The following ERH variants were observed in gnomAD, a reference collection of about 807,000 sequenced individuals.
ERH encodes ERH mRNA splicing and mitosis factor.
In ERH, 1 loss-of-function variant was observed where a neutral mutation model predicts 16.8. The observed-to-expected ratio is 0.06, with a 90% CI of 0.02 to 0.28. The LOEUF is 0.28. Ranked by LOEUF, ERH falls within the 10% of genes least tolerant of loss-of-function variation. The pLI is 1.00. For missense variants in ERH, 42 were observed against 127.5 expected (o/e 0.33, Z 3.23); for synonymous variants, 43 against 43.6 (o/e 0.99, Z 0.05).
intron 2 of ERH, among the ~76,000 whole-genome samples, chr14:69,390,206 A>C (rs2045916151): frequency 6.6e-6 from 1 of 151,116 alleles, no homozygotes; most frequent in Non-Finnish European, 1.5e-5. Context: ...AGAAACCAAC[A>C]AGCTAATCCT....
intron 2 of ERH, among the ~76,000 whole-genome samples, chr14:69,393,518 C>T (rs1882265409): frequency 6.6e-6 from 1 of 152,160 alleles, no homozygotes; most frequent in African/African-American, 2.4e-5. Context: ...TTTGCAGCAA[C>T]ATGGATGGAA....
At chr14:69,392,222 AG>A (rs1882235049) in intron 2 of ERH, among the ~76,000 whole-genome samples, 2 of 151,138 alleles carry the variant, frequency 1.3e-5, no homozygotes, top group African/African-American at 2.4e-5. Context: ...AAAAAAAAAA[AG>A]AATAATAAAA....
At chr14:69,386,441 A>T (rs1249193286) in intron 3 of ERH, among the ~76,000 whole-genome samples, 1 of 152,244 alleles carries the variant, frequency 6.6e-6, no homozygotes, top group African/African-American at 2.4e-5. Context: ...AGGTAAGTCT[A>T]CAGTAACACT....
In ERH at chr14:69,398,249, T is replaced by C; in HGVS notation, c.-16A>G. On this transcript the variant is annotated 5_prime_UTR_variant, in exon 1 of 4. Coordinates refer to ENST00000557016, the MANE Select transcript of ERH (RefSeq NM_004450.3). ...TTCTCACCATCGCGCCAAACTCTCT[T>C]CGCTACAGCAGCTGCCGACACCGCC... The C allele has an allele frequency of 6.2e-7, 1 of 1,613,838 alleles. No homozygotes were observed. Among genetic ancestry groups the C allele is most frequent in the Non-Finnish European group, 8.5e-7 (1 of 1,179,936 alleles).
chr14:69,382,935 C>G (rs1376945365), intron 3 of ERH, among the ~76,000 whole-genome samples: 1 of 152,050 alleles, frequency 6.6e-6, no homozygotes, highest in East Asian at 1.9e-4. Context: ...AATCTTTTAA[C>G]CTATTGTTAT....
chr14:69,387,815 C>G (rs1475702871), intron 2 of ERH, among the ~76,000 whole-genome samples: 2 of 151,928 alleles, frequency 1.3e-5, no homozygotes, highest in Non-Finnish European at 2.9e-5. Context: ...GAGGCCAAGG[C>G]GGGCGGATCA....
At chr14:69,389,873 G>C (rs138942269) in intron 2 of ERH, among the ~76,000 whole-genome samples, 184 of 152,172 alleles carry the variant, frequency 1.2e-3, no homozygotes, top group Non-Finnish European at 2.0e-3. Flanking sequence ...TTAAGTTCAA[G>C]TGATCCTCCC....
intron 3 of ERH, 75 bp from the exon 4 acceptor site, chr14:69,380,715 T>G (rs1594885264): frequency 1.3e-6 from 1 of 796,450 alleles, no homozygotes; most frequent in East Asian, 2.5e-5. Flanking sequence ...AAATTATAAC[T>G]GCCCAATGAT....
intron 2 of ERH, among the ~76,000 whole-genome samples, chr14:69,394,461 T>C (rs1351124146): frequency 1.3e-5 from 2 of 152,098 alleles, no homozygotes; most frequent in South Asian, 2.1e-4. Flanking sequence ...CTGGGTGTGG[T>C]GGCCCATGCC....
At chr14:69,384,815 T>C (rs2045881813) in intron 3 of ERH, among the ~76,000 whole-genome samples, 1 of 152,204 alleles carries the variant, frequency 6.6e-6, no homozygotes, top group African/African-American at 2.4e-5. Flanking sequence ...TTAAATTCTA[T>C]CAATTAATAT....
At chr14:69,392,803 G>C (rs1382836456) in intron 2 of ERH, among the ~76,000 whole-genome samples, 8 of 152,022 alleles carry the variant, frequency 5.3e-5, no homozygotes, top group Non-Finnish European at 1.0e-4. Context: ...GAGTAATATC[G>C]GAAAAACTGT....
At chr14:69,394,971 A>T (rs891171254) in intron 1 of ERH, 59 bp from the exon 2 acceptor site, 13 of 654,876 alleles carry the variant, frequency 2.0e-5, no homozygotes, top group Admixed American at 6.4e-5. Flanking sequence ...ATAGTATGAT[A>T]AAAAAAAATC....
chr14:69,397,789 G>A (rs891349902), intron 1 of ERH, among the ~76,000 whole-genome samples: 1 of 152,150 alleles, frequency 6.6e-6, no homozygotes, highest in Non-Finnish European at 1.5e-5. Flanking sequence ...GAGGTGGCGG[G>A]CGCCTGTAAT....
At chr14:69,386,360 G>T (rs926797508) in intron 3 of ERH, among the ~76,000 whole-genome samples, 4 of 152,136 alleles carry the variant, frequency 2.6e-5, no homozygotes, top group Admixed American at 6.5e-5. Flanking sequence ...GTATCATAAG[G>T]TGCTTCCATT....
intron 1 of ERH, 178 bp downstream of exon 1, chr14:69,398,053 G>C (rs1882406908): frequency 1.3e-6 from 1 of 799,264 alleles, no homozygotes; most frequent in African/African-American, 1.7e-5. Flanking sequence ...GGGGCTCCGA[G>C]GCCTAGAGTC....
At chr14:69,396,331 A>C (rs73293379) in intron 1 of ERH, among the ~76,000 whole-genome samples, 5,339 of 152,340 alleles carry the variant, frequency 0.035, 329 homozygotes, top group African/African-American at 0.12. Flanking sequence ...GCGCGATCTC[A>C]GCTCACCGCA....
At chr14:69,380,987 A>G (rs2045860168) in intron 3 of ERH, among the ~76,000 whole-genome samples, 1 of 152,228 alleles carries the variant, frequency 6.6e-6, no homozygotes, top group African/African-American at 2.4e-5. Flanking sequence ...TTAAAAAACA[A>G]CAACAAAAAA....
At chr14:69,393,614 C>T (rs1168740791) in intron 2 of ERH, among the ~76,000 whole-genome samples, 1 of 152,136 alleles carries the variant, frequency 6.6e-6, no homozygotes, top group African/African-American at 2.4e-5. Flanking sequence ...ATGATGTGTG[C>T]ACATGGACAG....
chr14:69,391,132 A>G (rs999256676), intron 2 of ERH, among the ~76,000 whole-genome samples: 2 of 152,208 alleles, frequency 1.3e-5, no homozygotes, highest in African/African-American at 4.8e-5. Context: ...CTACGTATTT[A>G]CGCAAATGAG....
Sources: allele counts gnomAD v4.1 joint callset (sites outside exome capture counted in the v4.1 genomes callset), GRCh38; gene constraint gnomAD v4.1.1; transcripts MANE v1.5; gene names NCBI Gene and HGNC (gene_info 2026-07-23, HGNC 2026-07-21).